The following RELN variants were observed in gnomAD, a reference collection of about 807,000 sequenced individuals.
RELN encodes reelin.
A neutral mutation model predicts 427.6 loss-of-function variants in RELN; 108 were observed. The observed-to-expected ratio is 0.25, with a 90% CI of 0.22 to 0.30. The LOEUF (loss-of-function observed/expected upper bound fraction) is 0.30, where lower values mean the gene tolerates loss of function less well. RELN is among the 10% of genes least tolerant of loss of function. The probability of loss-of-function intolerance (pLI) is 1.00; values close to 1 mark genes in which losing one functional copy is unlikely to be tolerated. For synonymous variants in RELN, 1,524 were observed against 1,513.4 expected (o/e 1.01, Z -0.16); for missense variants, 3,715 against 4,302.8 (o/e 0.86, Z 3.82).
At chr7:103,819,872 G>T (rs552647955) in intron 3 of RELN, among the ~76,000 whole-genome samples, 1 of 151,792 alleles carries the variant, frequency 6.6e-6, no homozygotes, top group Non-Finnish European at 1.5e-5. Context: ...TCATGCTCTC[G>T]GTTTCTTTTA....
At chr7:103,944,957 TA>T (rs766254430) in intron 1 of RELN, among the ~76,000 whole-genome samples, 1 of 151,860 alleles carries the variant, frequency 6.6e-6, no homozygotes, top group Non-Finnish European at 1.5e-5. Context: ...CCCTGAGAAG[TA>T]AAAAATCCCA....
chr7:103,922,287 G>A (rs1795631645), intron 1 of RELN, among the ~76,000 whole-genome samples: 1 of 151,920 alleles, frequency 6.6e-6, no homozygotes, highest in African/African-American at 2.4e-5. Context: ...ATTTTAGTTG[G>A]ATTTTACATT....
chr7:103,846,243 A>G (rs1384005965), intron 2 of RELN, among the ~76,000 whole-genome samples: 3 of 152,334 alleles, frequency 2.0e-5, no homozygotes, highest in East Asian at 3.9e-4. Context: ...ATACAGACCA[A>G]TGGAACACAG....
chr7:103,797,264 A>G (rs1033906421), intron 3 of RELN, among the ~76,000 whole-genome samples: 1 of 151,912 alleles, frequency 6.6e-6, no homozygotes, highest in Non-Finnish European at 1.5e-5. Context: ...CACCATGCCC[A>G]GCTGATTTTT....
intron 1 of RELN, among the ~76,000 whole-genome samples, chr7:103,964,962 A>G (rs2116801610): frequency 6.6e-6 from 1 of 152,340 alleles, no homozygotes; most frequent in South Asian, 2.1e-4. Context: ...TGTGCTCTCT[A>G]AAATAAGGAT....
At chr7:103,691,251 G>A (rs1833865218) in intron 10 of RELN, among the ~76,000 whole-genome samples, 2 of 152,048 alleles carry the variant, frequency 1.3e-5, no homozygotes, top group South Asian at 2.1e-4. Flanking sequence ...TCTTATATCT[G>A]AAACTATTTG....
intron 6 of RELN, among the ~76,000 whole-genome samples, chr7:103,729,635 A>T (rs1790302711): frequency 6.6e-6 from 1 of 152,190 alleles, no homozygotes; most frequent in Non-Finnish European, 1.5e-5. Context: ...ACATTAGAAG[A>T]GACAACAGCA....
intron 4 of RELN, among the ~76,000 whole-genome samples, chr7:103,755,607 C>CAAAA (rs1162038018): frequency 1.9e-5 from 1 of 53,914 alleles, no homozygotes; most frequent in Non-Finnish European, 3.7e-5. Flanking sequence ...GACTCTGTCT[C>CAAAA]AAAAAAAAAA....
rs1384388448 is a variant in RELN at position 103,896,686 on chromosome 7, C to T, written c.337+20389G>A. On this transcript the variant is annotated intron_variant, in intron 2 of 64. Transcript: ENST00000428762. ...AGGGCTGGGGTTACACAGGCGTGTACATTTATTAAATCTCACCTCATATAT... is the reference window on the plus strand; with the variant it reads ...AGGGCTGGGGTTACACAGGCGTGTATATTTATTAAATCTCACCTCATATAT... Among the ~76,000 whole-genome samples, 4 of 152,086 alleles carry T rather than the reference C, an allele frequency of 2.6e-5. No homozygotes were observed. In the East Asian group the frequency reaches 7.7e-4, roughly 29 times the overall value.
chr7:103,866,389 C>T (rs764521647), intron 2 of RELN, among the ~76,000 whole-genome samples: 10 of 151,976 alleles, frequency 6.6e-5, no homozygotes, highest in Non-Finnish European at 1.2e-4. Context: ...GACTTGCTTT[C>T]GGGTATGTTT....
chr7:103,663,931 T>C (rs2115574136), intron 11 of RELN, among the ~76,000 whole-genome samples: 1 of 152,338 alleles, frequency 6.6e-6, no homozygotes, highest in Non-Finnish European at 1.5e-5. Context: ...CCCAGGTGCC[T>C]GTTCCCTTAC....
intron 24 of RELN, among the ~76,000 whole-genome samples, chr7:103,601,567 C>A (rs1412352940): frequency 6.6e-6 from 1 of 152,182 alleles, no homozygotes; most frequent in Admixed American, 6.5e-5. Flanking sequence ...CCTCCAATTG[C>A]CTCAGAATTG....
intron 58 of RELN, 44 bp downstream of exon 58, chr7:103,491,909 G>A (rs1385594774): frequency 8.7e-7 from 1 of 1,152,564 alleles, no homozygotes. Context: ...GATTTGGATG[G>A]GGTATTCAAG....
intron 2 of RELN, among the ~76,000 whole-genome samples, chr7:103,879,664 G>A (rs1266426601): frequency 6.6e-6 from 1 of 152,178 alleles, no homozygotes; most frequent in Non-Finnish European, 1.5e-5. Context: ...AGATGGCCCA[G>A]TCTGCAACAT....
Position 103,989,194 on chromosome 7 carries a change from C to T in RELN, c.163G>A (p.Val55Met), listed in dbSNP as rs753619762. The change falls in exon 1 of 65, where the codon GTG becomes ATG. Residue 55 changes from valine (V) to methionine (M), a missense_variant. Physicochemically the swap from Val to Met is conservative, Grantham distance 21. Around this residue, in one of 4 missense-constraint regions of RELN, gnomAD observed 2,208 missense variants for 2,361.7 expected, o/e 0.93. Coordinates refer to ENST00000428762, the MANE Select transcript of RELN (RefSeq NM_005045.4). This position sits in a 1 kb window ranked among gnomAD's most constrained non-coding sequence, Gnocchi z 4.9. ...CCCGCAATATGCAGGGAAATGAGCA[C>T]CTCGCCCTGCTCCCCATCCCCTTCC... ...ELEGDGEQGE[V>M]LISLHIAGNP... is the part of the protein sequence containing the mutation. The T allele has an allele frequency of 1.9e-6, 3 of 1,614,018 alleles. No individual in the cohort carries two copies. Among genetic ancestry groups the T allele is most frequent in the African/African-American group, 2.7e-5 (2 of 74,936 alleles).
chr7:103,523,532 C>T lies in RELN; in HGVS notation c.7350-1G>A. 1 of 1,613,938 alleles carries T rather than the reference C, an allele frequency of 6.2e-7. No individual in the cohort carries two copies. Among genetic ancestry groups the T allele is most frequent in the Non-Finnish European group, 8.5e-7 (1 of 1,180,018 alleles). ...CCAACGGAAACGAGTGGCTTGGGAC[C>T]TTTGAAGAAGATGAGAATTTTAATG... On this transcript the variant is annotated splice_acceptor_variant, in intron 46 of 64. Transcript: ENST00000428762. LOFTEE classifies it high-confidence loss of function.
chr7:103,617,808 G>A (rs1171559272), intron 20 of RELN, among the ~76,000 whole-genome samples: 1 of 152,036 alleles, frequency 6.6e-6, no homozygotes, highest in Non-Finnish European at 1.5e-5. Context: ...CCATAGCGGT[G>A]GATCTTTCAT....
In RELN at chr7:103,911,517, T is replaced by G. The variant is rs1451076271; in HGVS notation, c.337+5558A>C. Among the ~76,000 whole-genome samples the G allele has an allele frequency of 4.0e-3, 580 of 146,262 alleles. 2 individuals carry two copies. Among genetic ancestry groups the G allele is most frequent in the East Asian group, 0.026 (115 of 4,474 alleles). ...TCCCATTACTGGGTATATACCCAAA[T>G]GACTATAAATCATGCTGCTATAAAG... On this transcript the variant is annotated intron_variant, in intron 2 of 64. Coordinates refer to ENST00000428762, the MANE Select transcript of RELN (RefSeq NM_005045.4).
chr7:103,558,195 A>G (rs548028280), intron 36 of RELN, 146 bp from the exon 37 acceptor site: 9 of 624,514 alleles, frequency 1.4e-5, no homozygotes, highest in African/African-American at 1.3e-4. Flanking sequence ...AAAAGGAAAA[A>G]TGGGATGATC....
Sources: gnomAD v4.1 joint callset for allele counts (sites outside exome capture counted in the v4.1 genomes callset) on GRCh38, gnomAD v4.1.1 for gene constraint, gnomAD v4.1.1 regional missense constraint, Gnocchi (gnomAD v3.1) non-coding constraint, MANE v1.5 for transcripts, NCBI Gene and HGNC (gene_info 2026-07-23, HGNC 2026-07-21) for gene names.